NR3C2: variants seen among roughly 807,000 people sequenced by gnomAD.
The protein encoded by NR3C2 is nuclear receptor subfamily 3 group C member 2.
NR3C2 carries 15 observed loss-of-function variants against 86.4 expected under a neutral mutation model. The observed-to-expected ratio is 0.17, with a 90% CI of 0.12 to 0.27. The LOEUF (loss-of-function observed/expected upper bound fraction) is 0.27. NR3C2 is among the 10% of genes least tolerant of loss of function. The pLI is 1.00. For synonymous variants in NR3C2, 458 were observed against 450.5 expected, an observed-to-expected ratio of 1.02 and a Z score of -0.21; for missense variants, 960 against 1,195.6, an observed-to-expected ratio of 0.80 and a Z score of 2.91.
intron 2 of NR3C2, among the ~76,000 whole-genome samples, chr4:148,273,382 T>G (rs915390809): frequency 6.6e-6 from 1 of 152,186 alleles, no homozygotes; most frequent in African/African-American, 2.4e-5. Context: ...GAGATTAATA[T>G]TTTGAAACAT....
chr4:148,148,202 A>G (rs1362245347), intron 6 of NR3C2, among the ~76,000 whole-genome samples: 1 of 152,164 alleles, frequency 6.6e-6, no homozygotes, highest in Non-Finnish European at 1.5e-5. Context: ...GAGGGGCACC[A>G]AATCCTTCCA....
In NR3C2 at chr4:148,226,163, T is replaced by G. The variant is rs142646988; in HGVS notation, c.1898-31301A>C. The stretch of plus-strand genomic sequence containing the variant: ...TAAGATCTTAATCAAAACCAGACAT[T>G]ATGCTCCACTCTGGGCCTTTTGTTT... On this transcript the variant is annotated intron_variant, in intron 3 of 8. Coordinates refer to ENST00000358102, the MANE Select transcript of NR3C2 (RefSeq NM_000901.5). Among the ~76,000 whole-genome samples, 417 of 152,262 alleles carry G rather than the reference T, an allele frequency of 2.7e-3. 1 individual carries two copies. The highest frequency in any genetic ancestry group is 6.8e-3 in the Middle Eastern group (2 of 294).
chr4:148,289,750 A>G (rs548703609), intron 2 of NR3C2, among the ~76,000 whole-genome samples: 2 of 152,296 alleles, frequency 1.3e-5, no homozygotes, highest in African/African-American at 4.8e-5. Flanking sequence ...ATAAAAGACT[A>G]CAGCTTCCTG....
At chr4:148,165,928 T>C (rs1734857920) in intron 4 of NR3C2, among the ~76,000 whole-genome samples, 1 of 152,208 alleles carries the variant, frequency 6.6e-6, no homozygotes, top group Non-Finnish European at 1.5e-5. Flanking sequence ...AGTAAGTACA[T>C]ATTAATGAGT....
At chr4:148,251,892 G>A (rs61760291) in intron 3 of NR3C2, among the ~76,000 whole-genome samples, 22 of 152,248 alleles carry the variant, frequency 1.4e-4, no homozygotes, top group Middle Eastern at 3.4e-3. Flanking sequence ...CTCTTCCTGA[G>A]TATTCTAAAG....
In NR3C2 at chr4:148,353,170, T is replaced by C. The variant is rs554046261; in HGVS notation, c.1757+81934A>G. Among the ~76,000 whole-genome samples the C allele has an allele frequency of 5.3e-5, 8 of 152,250 alleles. No homozygotes were observed. In the South Asian group the frequency reaches 1.4e-3, roughly 28 times the overall value. On this transcript the variant is annotated intron_variant, in intron 2 of 8. Transcript: ENST00000358102. ...GACATGATTAATCCAGATAATATAGTATTTTAGTATTTATTTATAGCCTGC... is the reference window on the plus strand; with the variant it reads ...GACATGATTAATCCAGATAATATAGCATTTTAGTATTTATTTATAGCCTGC...
chr4:148,281,223 G>A (rs1461630121), intron 2 of NR3C2, among the ~76,000 whole-genome samples: 1 of 152,206 alleles, frequency 6.6e-6, no homozygotes, highest in African/African-American at 2.4e-5. Flanking sequence ...TGGGGAAAAA[G>A]CGGGTGAAAG....
chr4:148,214,325 A>G (rs1737418629), intron 3 of NR3C2, among the ~76,000 whole-genome samples: 1 of 152,080 alleles, frequency 6.6e-6, no homozygotes, highest in African/African-American at 2.4e-5. Flanking sequence ...TCTACATACC[A>G]TATTGTCTAG....
intron 4 of NR3C2, among the ~76,000 whole-genome samples, chr4:148,179,582 T>C (rs186319533): frequency 1.3e-5 from 2 of 151,888 alleles, no homozygotes; most frequent in East Asian, 3.9e-4. Context: ...ATTCAATGCC[T>C]GCACTGCTTC....
At chr4:148,308,235 T>G (rs1388636230) in intron 2 of NR3C2, among the ~76,000 whole-genome samples, 1 of 151,988 alleles carries the variant, frequency 6.6e-6, no homozygotes, top group Non-Finnish European at 1.5e-5. Flanking sequence ...AAGCGACAAA[T>G]ATAAACCCAT....
chr4:148,113,144 T>C (rs899376549), intron 8 of NR3C2, among the ~76,000 whole-genome samples: 1 of 152,206 alleles, frequency 6.6e-6, no homozygotes, highest in Admixed American at 6.5e-5. Flanking sequence ...TAAAACCACC[T>C]CGGCTATATC....
chr4:148,308,895 A>C (rs1235092031), intron 2 of NR3C2, among the ~76,000 whole-genome samples: 4 of 152,278 alleles, frequency 2.6e-5, no homozygotes, highest in African/African-American at 9.6e-5. Context: ...AGGTGGGAGG[A>C]TCACTTGAGC....
At chr4:148,222,856 A>G (rs895357377) in intron 3 of NR3C2, among the ~76,000 whole-genome samples, 6 of 152,174 alleles carry the variant, frequency 3.9e-5, no homozygotes, top group African/African-American at 1.2e-4. Context: ...CTACAGGATT[A>G]CACAGCCATT....
chr4:148,435,781 G>A lies in NR3C2; in HGVS notation c.1080C>T (p.Pro360=), dbSNP rs765196682. The A allele has an allele frequency of 8.7e-6, 14 of 1,614,040 alleles. No homozygotes were observed. The highest frequency in any genetic ancestry group is 8.5e-6 in the Non-Finnish European group (10 of 1,180,042). Residue 360 remains proline, a synonymous_variant, in exon 2 of 9, where the codon CCC becomes CCT. Transcript: ENST00000358102. ...AGSSTLRDVV[P]SPDTQEKGAQ... ...CACCTTTCTCCTGCGTGTCTGGACT[G>A]GGAACCACATCCCGCAATGTACTGG...
intron 2 of NR3C2, among the ~76,000 whole-genome samples, chr4:148,407,739 T>G (rs1748492835): frequency 2.0e-5 from 3 of 152,188 alleles, no homozygotes; most frequent in Admixed American, 2.0e-4. Context: ...CATCATTCCA[T>G]TTTTACATTA....
chr4:148,361,687 A>C (rs1161633332), intron 2 of NR3C2, among the ~76,000 whole-genome samples: 1 of 152,202 alleles, frequency 6.6e-6, no homozygotes, highest in Non-Finnish European at 1.5e-5. Context: ...GGACTATCAC[A>C]GAGTTTCACA....
chr4:148,162,796 A>ATTGATTACGCCTGACAACTCCTGC (rs1377027014), intron 4 of NR3C2, among the ~76,000 whole-genome samples: 1 of 152,146 alleles, frequency 6.6e-6, no homozygotes, highest in East Asian at 1.9e-4. Flanking sequence ...TGGACAGTGG[A>ATTGATTACGCCTGACAACTCCTGC]TTGATTACGC....
intron 2 of NR3C2, among the ~76,000 whole-genome samples, chr4:148,261,219 C>A (rs111890066): frequency 6.9e-6 from 1 of 145,420 alleles, no homozygotes; most frequent in Admixed American, 6.8e-5. Flanking sequence ...TATGGTAAGC[C>A]CTATGGTGCA....
In NR3C2 at chr4:148,435,565, G is replaced by C. The variant is rs763933550; in HGVS notation, c.1296C>G (p.Thr432=). 2 of 1,614,034 alleles carry C rather than the reference G, an allele frequency of 1.2e-6. No homozygotes were observed. The highest frequency in any genetic ancestry group is 1.3e-5 in the African/African-American group (1 of 75,038). The change falls in exon 2 of 9, where the codon ACC becomes ACG. Residue 432 remains threonine (T), a synonymous_variant. Transcript: ENST00000358102. ...AAGAGGTGCCTGAACATGAATGCTT[G>C]GTTGATTCTTGCTTTATTGGTACTG... ...SFSVPIKQES[T]KHSCSGTSFK... is the part of the protein sequence containing the mutation.
Sources: allele counts gnomAD v4.1 joint callset (sites outside exome capture counted in the v4.1 genomes callset), GRCh38; gene constraint gnomAD v4.1.1; transcripts MANE v1.5; gene names NCBI Gene and HGNC (gene_info 2026-07-23, HGNC 2026-07-21).